CACNB2: variants seen among roughly 807,000 people sequenced by gnomAD.
CACNB2 encodes calcium voltage-gated channel auxiliary subunit beta 2, also known as voltage-dependent L-type calcium channel subunit beta-2.
Under a neutral mutation model 73.3 loss-of-function variants are expected in CACNB2, and 42 were observed. That is an observed-to-expected ratio of 0.57 (90% CI 0.45 to 0.74). The LOEUF (loss-of-function observed/expected upper bound fraction) is 0.74. Among genes scored for constraint, CACNB2 ranks in the 30% least tolerant of loss-of-function variants. CACNB2 has a pLI of 0.00. For missense variants in CACNB2, 940 were observed against 853.0 expected (o/e 1.10, Z -1.27); for synonymous variants, 348 against 310.3 (o/e 1.12, Z -1.28).
chr10:18,519,782 T>G (rs1016003141), intron 9 of CACNB2: 1 of 455,666 alleles, frequency 2.2e-6, no homozygotes. Context: ...ACCCCAGTTA[T>G]GTTTTCACCC....
intron 2 of CACNB2, among the ~76,000 whole-genome samples, chr10:18,385,212 G>A (rs2043173882): frequency 6.6e-6 from 1 of 151,918 alleles, no homozygotes; most frequent in East Asian, 1.9e-4. Flanking sequence ...GAACCCGGGA[G>A]GCAGAGGTTG....
At position 18,401,954 on chromosome 10, in the gene CACNB2, T is replaced by G; in HGVS notation, c.244T>G (p.Ser82Ala). 1 of 1,614,010 alleles carries G rather than the reference T, an allele frequency of 6.2e-7. No homozygotes were observed. The highest frequency in any genetic ancestry group is 8.5e-7 in the Non-Finnish European group (1 of 1,179,882). ...GGCAGACTCCTACACTAGCCGTCCA[T>G]CCGATTCCGATGTATCTCTGGAGGA... ...GSADSYTSRP[S>A]DSDVSLEEDR... Residue 82 changes from serine (S) to alanine (A), a missense_variant, in exon 3 of 14, where the codon TCC (serine) becomes GCC (alanine). Transcript: ENST00000324631.
chr10:18,302,717 G>A (rs986622722), intron 2 of CACNB2, among the ~76,000 whole-genome samples: 1 of 152,140 alleles, frequency 6.6e-6, no homozygotes, highest in African/African-American at 2.4e-5. Context: ...GGGTGGGAAG[G>A]GGGTGAGGGA....
chr10:18,538,542 G>T (rs575509769), intron 13 of CACNB2, among the ~76,000 whole-genome samples, 177 bp downstream of exon 13: 1 of 152,114 alleles, frequency 6.6e-6, no homozygotes, highest in Non-Finnish European at 1.5e-5. Flanking sequence ...ACCATCAACA[G>T]AATATATTGG....
At chr10:18,513,722 C>A (rs1381034759) in intron 6 of CACNB2, 3 of 192,960 alleles carry the variant, frequency 1.6e-5, no homozygotes, top group African/African-American at 2.4e-5. Flanking sequence ...GCGAGAAATG[C>A]GCATTAAAAT....
chr10:18,340,845 T>A, intron 2 of CACNB2: 3 of 1,613,602 alleles, frequency 1.9e-6, no homozygotes, highest in Non-Finnish European at 2.5e-6. Context: ...AAGACTTGGC[T>A]GCCTTTTAGC....
At chr10:18,500,415 A>G (rs1327144325) in intron 4 of CACNB2, among the ~76,000 whole-genome samples, 1 of 152,176 alleles carries the variant, frequency 6.6e-6, no homozygotes, top group African/African-American at 2.4e-5. Flanking sequence ...TTCAATATTT[A>G]TCTCTTTCTC....
intron 2 of CACNB2, among the ~76,000 whole-genome samples, chr10:18,342,634 A>T (rs2041278356): frequency 1.3e-5 from 2 of 152,178 alleles, no homozygotes; most frequent in Non-Finnish European, 2.9e-5. Flanking sequence ...ACTAATAAGT[A>T]TGCTTGAATA....
At chr10:18,494,814 T>A (rs903771446) in intron 3 of CACNB2, among the ~76,000 whole-genome samples, 5 of 151,772 alleles carry the variant, frequency 3.3e-5, no homozygotes, top group Admixed American at 2.0e-4. Context: ...GAAGACTACA[T>A]CCTTAGGAGG....
At chr10:18,249,353 G>C (rs985715110) in intron 2 of CACNB2, among the ~76,000 whole-genome samples, 1 of 151,738 alleles carries the variant, frequency 6.6e-6, no homozygotes, top group Middle Eastern at 3.2e-3. Flanking sequence ...AGTGTCTTTT[G>C]TTTTTCCTTT....
chr10:18,492,620 C>CAAAAAAAAAAAAA (rs371407084), intron 3 of CACNB2, among the ~76,000 whole-genome samples: 4 of 90,378 alleles, frequency 4.4e-5, no homozygotes, highest in Admixed American at 1.4e-4. Flanking sequence ...GACTCTGTCT[C>CAAAAAAAAAAAAA]AAAAAAAAAA....
chr10:18,542,832 G>C lies in CACNB2; in HGVS notation c.*3108G>C, dbSNP rs1442347268. Reference sequence around the variant, plus strand: ...CTTAACCTTAACCTACTCAGTTGTAGAGCCATTTTTGTAGTCAACCTAGAA... The same window carrying C: ...CTTAACCTTAACCTACTCAGTTGTACAGCCATTTTTGTAGTCAACCTAGAA... On this transcript the variant is annotated 3_prime_UTR_variant, in exon 14 of 14. Transcript: ENST00000324631. 4 of 151,048 alleles carry C rather than the reference G, an allele frequency of 2.6e-5. No homozygotes were observed. The highest frequency in any genetic ancestry group is 4.4e-5 in the Non-Finnish European group (3 of 67,838). 9.4% of individuals were successfully genotyped at this position (151,048 alleles called of 1,614,324 possible).
chr10:18,187,938 G>A lies in CACNB2; in HGVS notation c.213+36963G>A, dbSNP rs140310809. 1.4e-3 allele frequency among the ~76,000 whole-genome samples: 213 copies of A among 152,256 alleles called. 1 individual carries two copies. The highest frequency in any genetic ancestry group is 4.6e-3 in the African/African-American group (193 of 41,550). ...TCTTAAATGAAGGGCTGACAACAGT[G>A]GTGGTGGCGAACAAGGCTGAGAGTG... On this transcript the variant is annotated intron_variant, in intron 2 of 13. Transcript: ENST00000324631.
chr10:18,313,337 T>C (rs977699290), intron 2 of CACNB2, among the ~76,000 whole-genome samples: 2 of 150,032 alleles, frequency 1.3e-5, no homozygotes, highest in Admixed American at 1.3e-4. Context: ...GCGTGCATGG[T>C]AGGATGGTTA....
chr10:18,191,528 G>C lies in CACNB2; in HGVS notation c.213+40553G>C, dbSNP rs150610002. ...GTTTAGTGGTGATTTGTGAAATTTT[G>C]GTACACCATCACCTGAGCATTATAT... On this transcript the variant is annotated intron_variant, in intron 2 of 13. Transcript: ENST00000324631. Among the ~76,000 whole-genome samples the C allele has an allele frequency of 6.1e-3, 931 of 152,056 alleles. 25 individuals are homozygous for C. Among genetic ancestry groups the C allele is most frequent in the East Asian group, 8.3e-3 (43 of 5,164 alleles).
At chr10:18,232,710 T>C (rs2036267995) in intron 2 of CACNB2, among the ~76,000 whole-genome samples, 2 of 152,214 alleles carry the variant, frequency 1.3e-5, no homozygotes, top group Non-Finnish European at 1.5e-5. Context: ...TCCATTGCTA[T>C]TGCAATTTTT....
chr10:18,380,540 C>T (rs2042974116), intron 2 of CACNB2, among the ~76,000 whole-genome samples: 3 of 150,062 alleles, frequency 2.0e-5, no homozygotes, highest in South Asian at 2.1e-4. Context: ...CTGTAACCTC[C>T]GCCTCCTAGG....
intron 2 of CACNB2, among the ~76,000 whole-genome samples, chr10:18,315,511 A>AC (rs2040137704): frequency 7.9e-6 from 1 of 125,922 alleles, no homozygotes; most frequent in African/African-American, 3.2e-5. Context: ...AAAAAAAAAA[A>AC]AAAAAAAAAA....
At chr10:18,416,358 A>C (rs533672497) in intron 3 of CACNB2, among the ~76,000 whole-genome samples, 1 of 152,246 alleles carries the variant, frequency 6.6e-6, no homozygotes, top group South Asian at 2.1e-4. Context: ...TTTATCTGTC[A>C]ATGGGTATTT....
Sources: gnomAD v4.1 joint callset for allele counts (sites outside exome capture counted in the v4.1 genomes callset) on GRCh38, gnomAD v4.1.1 for gene constraint, MANE v1.5 for transcripts, NCBI Gene and HGNC (gene_info 2026-07-23, HGNC 2026-07-21) for gene names.